EYS: variants seen among roughly 807,000 people sequenced by gnomAD.
The protein encoded by EYS is protein eyes shut homolog.
A neutral mutation model predicts 282.1 loss-of-function variants in EYS; 250 were observed. The observed-to-expected ratio is 0.89, with a 90% CI of 0.80 to 0.98. The LOEUF is 0.98. Ranked by LOEUF, EYS falls within the 50% of genes least tolerant of loss-of-function variation. EYS has a pLI of 0.00. For synonymous variants in EYS, 1,355 were observed against 1,282.9 expected, an observed-to-expected ratio of 1.06 and a Z score of -1.20; for missense variants, 4,016 against 3,709.0, an observed-to-expected ratio of 1.08 and a Z score of -2.15.
At chr6:64,196,756 A>C (rs1582412902) in intron 31 of EYS, among the ~76,000 whole-genome samples, 3 of 108,494 alleles carry the variant, frequency 2.8e-5, no homozygotes, top group Admixed American at 1.0e-4. Context: ...GGGTGGAGGG[A>C]GGGGGGAGGG....
At chr6:64,449,005 AG>A (rs1258950341) in intron 26 of EYS, among the ~76,000 whole-genome samples, 1 of 152,216 alleles carries the variant, frequency 6.6e-6, no homozygotes, top group Non-Finnish European at 1.5e-5. Context: ...AGCTGGACGG[AG>A]AATGACTTTG....
rs1476517666 is a variant in EYS at position 65,580,109 on chromosome 6, T to C, written c.-333+59669A>G. ...ACCTAAGACACATGCATCAGTACTT[T>C]GTTAGGTTTTGAAAAATGTCACAGA... On this transcript the variant is annotated intron_variant, in intron 2 of 42. Transcript: ENST00000503581. 2.0e-5 allele frequency among the ~76,000 whole-genome samples: 3 copies of C among 152,158 alleles called. No individual in the cohort carries two copies. In the East Asian group the frequency reaches 5.8e-4, roughly 29 times the overall value.
chr6:63,784,126 CA>C (rs1770306434), intron 39 of EYS, among the ~76,000 whole-genome samples: 2 of 152,124 alleles, frequency 1.3e-5, no homozygotes, highest in Non-Finnish European at 2.9e-5. Context: ...GAACTCACAC[CA>C]CTTGCTCTCC....
chr6:63,881,394 G>T (rs1252273285), intron 35 of EYS, among the ~76,000 whole-genome samples: 2 of 152,164 alleles, frequency 1.3e-5, no homozygotes, highest in Admixed American at 1.3e-4. Flanking sequence ...ATGGCATGGA[G>T]CAGATCTCTG....
intron 40 of EYS, 48 bp from the exon 41 acceptor site, chr6:63,762,681 G>A (rs1322034002): frequency 8.6e-6 from 13 of 1,504,500 alleles, no homozygotes; most frequent in Admixed American, 4.2e-5. Flanking sequence ...GTTTAGAGAT[G>A]GATACATACT....
intron 29 of EYS, among the ~76,000 whole-genome samples, chr6:64,321,014 T>A (rs1646123572): frequency 6.6e-6 from 1 of 151,834 alleles, no homozygotes; most frequent in Middle Eastern, 3.4e-3. Flanking sequence ...GATTCCCTAC[T>A]CAAAAAAATT....
chr6:64,151,645 C>T (rs1173779026), intron 31 of EYS, among the ~76,000 whole-genome samples: 3 of 151,762 alleles, frequency 2.0e-5, no homozygotes, highest in Non-Finnish European at 4.4e-5. Flanking sequence ...CAGGCATGAG[C>T]CACCGCGCCC....
At chr6:64,890,189 AC>A (rs1767242690) in intron 18 of EYS, among the ~76,000 whole-genome samples, 1 of 151,858 alleles carries the variant, frequency 6.6e-6, no homozygotes, top group Non-Finnish European at 1.5e-5. Flanking sequence ...TGCTCTCAAA[AC>A]CCTGTCTCCT....
At chr6:64,229,091 G>A (rs543546707) in intron 31 of EYS, among the ~76,000 whole-genome samples, 3 of 151,980 alleles carry the variant, frequency 2.0e-5, no homozygotes, top group South Asian at 2.1e-4. Flanking sequence ...CCTGGCTAAC[G>A]TGGTGAAATC....
intron 30 of EYS, among the ~76,000 whole-genome samples, chr6:64,240,948 G>A (rs1360521512): frequency 6.6e-6 from 1 of 152,114 alleles, no homozygotes; most frequent in Non-Finnish European, 1.5e-5. Flanking sequence ...TTTATTGAGA[G>A]TTTTTAGCCT....
intron 26 of EYS, among the ~76,000 whole-genome samples, chr6:64,540,756 T>G (rs962786842): frequency 2.0e-5 from 3 of 152,136 alleles, no homozygotes; most frequent in African/African-American, 7.2e-5. Context: ...AGTGCTGGGA[T>G]TACAGGCATG....
intron 41 of EYS, among the ~76,000 whole-genome samples, chr6:63,738,144 G>A (rs576599771): frequency 4.3e-4 from 66 of 152,300 alleles, no homozygotes; most frequent in African/African-American, 1.5e-3. Context: ...TGGTGGGACT[G>A]TAAAGTAGTT....
intron 31 of EYS, among the ~76,000 whole-genome samples, chr6:64,138,230 G>A (rs1490583287): frequency 6.6e-6 from 1 of 152,028 alleles, no homozygotes; most frequent in Non-Finnish European, 1.5e-5. Flanking sequence ...TTAGAAAGCT[G>A]GCTAGAAAAA....
At chr6:64,674,913 T>C (rs1222833257) in intron 22 of EYS, among the ~76,000 whole-genome samples, 2 of 152,142 alleles carry the variant, frequency 1.3e-5, no homozygotes, top group Non-Finnish European at 2.9e-5. Context: ...TCTTTTTCCA[T>C]ATGCTCTACC....
chr6:65,333,431 A>G (rs1172220139), intron 11 of EYS, among the ~76,000 whole-genome samples: 2 of 151,738 alleles, frequency 1.3e-5, no homozygotes, highest in African/African-American at 4.8e-5. Context: ...GAAATATATT[A>G]CAGCTTGCTT....
chr6:65,430,519 CTGATA>C (rs1158904836), intron 5 of EYS, among the ~76,000 whole-genome samples: 1 of 152,184 alleles, frequency 6.6e-6, no homozygotes, highest in Non-Finnish European at 1.5e-5. Context: ...CTGAACTAAG[CTGATA>C]CAGTTGACTT....
chr6:65,391,330 T>A (rs9345620), intron 7 of EYS, among the ~76,000 whole-genome samples: 1 of 152,206 alleles, frequency 6.6e-6, no homozygotes, highest in East Asian at 1.9e-4. Flanking sequence ...GTTATATAGT[T>A]TATGACCAGA....
Position 65,587,555 on chromosome 6 carries a change from G to A in EYS, c.-333+52223C>T, listed in dbSNP as rs80261952. Among the ~76,000 whole-genome samples the A allele has an allele frequency of 1.2e-3, 178 of 152,116 alleles. 1 individual carries two copies. Among genetic ancestry groups the A allele is most frequent in the Middle Eastern group, 6.8e-3 (2 of 294 alleles). Reference sequence around the variant, plus strand: ...CTGCCGTGACTGCAAATTTCCTGGGGCCTCTTCAGCCCTGCAGATCTGTGA... The same window carrying A: ...CTGCCGTGACTGCAAATTTCCTGGGACCTCTTCAGCCCTGCAGATCTGTGA... On this transcript the variant is annotated intron_variant, in intron 2 of 42. Coordinates refer to ENST00000503581, the MANE Select transcript of EYS (RefSeq NM_001142800.2).
rs66825340 is a variant in EYS at position 64,757,744 on chromosome 6, T to TTGTGTGTGTGTGTGTG, written c.3443+55618_3443+55633dup. 3.4e-3 allele frequency among the ~76,000 whole-genome samples: 478 copies of TTGTGTGTGTGTGTGTG among 139,876 alleles called. 1 individual carries two copies. Among genetic ancestry groups the TTGTGTGTGTGTGTGTG allele is most frequent in the Non-Finnish European group, 4.9e-3 (313 of 64,022 alleles). 91.8% of individuals were successfully genotyped at this position (139,876 alleles called of 152,430 possible). A position where few individuals can be genotyped will look rare whatever the true frequency, so the allele number is the denominator to read the frequency against. ...AGATTAATTTTTTTTCTTTTTTTCT[T>TTGTGTGTGTGTGTGTG]TGTGTGTGTGTGTGTGTGTGTGTGT... On this transcript the variant is annotated intron_variant, in intron 22 of 42. Transcript: ENST00000503581.
Sources: allele counts gnomAD v4.1 joint callset (sites outside exome capture counted in the v4.1 genomes callset), GRCh38; gene constraint gnomAD v4.1.1; transcripts MANE v1.5; gene names NCBI Gene and HGNC (gene_info 2026-07-23, HGNC 2026-07-21).